The following EIF2A variants were observed in gnomAD, a reference collection of about 807,000 sequenced individuals.
The protein encoded by EIF2A is eukaryotic translation initiation factor 2A, also known as 65 kDa eukaryotic translation initiation factor 2A.
EIF2A carries 62 observed loss-of-function variants against 75.2 expected under a neutral mutation model. That is an observed-to-expected ratio of 0.82 (90% CI 0.67 to 1.02). EIF2A has a LOEUF of 1.02. Among genes scored for constraint, EIF2A ranks in the 50% least tolerant of loss-of-function variants. The pLI is 0.00. For missense variants in EIF2A, 611 were observed against 677.7 expected (o/e 0.90, Z 1.09); for synonymous variants, 207 against 239.0 (o/e 0.87, Z 1.23).
Position 150,563,501 on chromosome 3 carries a change from A to G in EIF2A, c.293-14A>G. 2 of 1,539,402 alleles carry G rather than the reference A, an allele frequency of 1.3e-6. No individual in the cohort carries two copies. Among genetic ancestry groups the G allele is most frequent in the Non-Finnish European group, 1.7e-6 (2 of 1,142,962 alleles). On this transcript the variant is annotated splice_polypyrimidine_tract_variant and intron_variant, in intron 4 of 13. Transcript: ENST00000460851. ...TTACAAGGCAATTACTGAAAAAAAGAAATTTTATTGCAGCTTCTAAAGATG... is the reference window on the plus strand; with the variant it reads ...TTACAAGGCAATTACTGAAAAAAAGGAATTTTATTGCAGCTTCTAAAGATG...
intron 2 of EIF2A, among the ~76,000 whole-genome samples, chr3:150,555,874 G>A (rs1723539078): frequency 1.3e-5 from 2 of 152,170 alleles, no homozygotes; most frequent in Non-Finnish European, 2.9e-5. Context: ...ATACTGAGGT[G>A]ACCACAAATC....
intron 10 of EIF2A, among the ~76,000 whole-genome samples, chr3:150,574,760 A>G (rs1724758263): frequency 6.6e-6 from 1 of 152,260 alleles, no homozygotes; most frequent in South Asian, 2.1e-4. Context: ...TCATTTCCAT[A>G]TAGAACTTAT....
At chr3:150,554,214 GA>G (rs1240128880) in intron 2 of EIF2A, among the ~76,000 whole-genome samples, 2 of 151,572 alleles carry the variant, frequency 1.3e-5, no homozygotes, top group Admixed American at 1.3e-4. Context: ...ATGCTCCCCC[GA>G]AAAATCCCCC....
In EIF2A at chr3:150,567,972, C is replaced by G. The variant is rs1449041614; in HGVS notation, c.620C>G (p.Ala207Gly). ...FVRLYQYPNF[A>G]GPHAALANKS... ...AGATTATATCAGTACCCCAACTTTG[C>G]TGGACCTCATGCAGCTTTAGCTAAT... is the stretch of plus-strand genomic sequence containing the variant. The change falls in exon 8 of 14, where the codon GCT (alanine) becomes GGT (glycine). Residue 207 changes from alanine (A) to glycine (G), a missense_variant. Ala to Gly is a moderately conservative substitution (Grantham distance 60, BLOSUM62 0). Transcript: ENST00000460851. 6.2e-7 allele frequency: 1 copy of G among 1,613,364 alleles called. No homozygotes were observed. The highest frequency in any genetic ancestry group is 8.5e-7 in the Non-Finnish European group (1 of 1,179,740).
In EIF2A at chr3:150,552,370, G is replaced by T. The variant is rs199805758; in HGVS notation, c.43G>T (p.Gly15Ter). The change falls in exon 2 of 14, where the codon GGA becomes TGA. Residue 15 changes from glycine (G) to a stop codon, truncating the protein, a stop_gained. Coordinates refer to ENST00000460851, the MANE Select transcript of EIF2A (RefSeq NM_032025.5). LOFTEE classifies it high-confidence loss of function. ...TPLLTVRGSE[G>*]LYMVNGPPHF... ...TACTTCTTTAGTCCGAGGATCAGAAGGACTGTACATGGTGAATGGACCACC... is the reference window on the plus strand; with the variant it reads ...TACTTCTTTAGTCCGAGGATCAGAATGACTGTACATGGTGAATGGACCACC... 2 of 1,552,272 alleles carry T rather than the reference G, an allele frequency of 1.3e-6. No homozygotes were observed. The highest frequency in any genetic ancestry group is 1.7e-6 in the Non-Finnish European group (2 of 1,147,224).
At chr3:150,552,573 A>G (rs998175260) in intron 2 of EIF2A, 148 bp downstream of exon 2, 1 of 612,646 alleles carries the variant, frequency 1.6e-6, no homozygotes, top group Non-Finnish European at 2.7e-6. Flanking sequence ...AAAAGAATAC[A>G]TATTCTCTAT....
At chr3:150,571,561 C>G (rs555519086) in intron 9 of EIF2A, among the ~76,000 whole-genome samples, 1 of 152,172 alleles carries the variant, frequency 6.6e-6, no homozygotes, top group Non-Finnish European at 1.5e-5. Context: ...AAGCTGTGAT[C>G]ATGCCACTGC....
intron 9 of EIF2A, among the ~76,000 whole-genome samples, chr3:150,569,666 T>A (rs1394479889): frequency 2.6e-5 from 4 of 151,936 alleles, no homozygotes; most frequent in Non-Finnish European, 5.9e-5. Flanking sequence ...AATACAAAAA[T>A]TAGTTGGGTG....
chr3:150,559,498 C>CTT (rs36038911), intron 3 of EIF2A, among the ~76,000 whole-genome samples: 33,177 of 110,470 alleles, frequency 0.3, 6,055 homozygotes, highest in East Asian at 0.48. Context: ...ATGCCCAGCC[C>CTT]TTTTTTTTTT....
At chr3:150,549,222 C>CTTTTTTTTTTT (rs11341363) in intron 1 of EIF2A, among the ~76,000 whole-genome samples, 1 of 136,496 alleles carries the variant, frequency 7.3e-6, no homozygotes, top group Non-Finnish European at 1.6e-5. Context: ...TTCTTTCTTT[C>CTTTTTTTTTTT]TTTTTTTTTT....
Sources: gnomAD v4.1 joint callset for allele counts (sites outside exome capture counted in the v4.1 genomes callset) on GRCh38, gnomAD v4.1.1 for gene constraint, MANE v1.5 for transcripts, NCBI Gene and HGNC (gene_info 2026-07-23, HGNC 2026-07-21) for gene names.